RBFOX1: variants seen among roughly 807,000 people sequenced by gnomAD.
RBFOX1 encodes RNA binding fox-1 homolog 1.
RBFOX1 carries 8 observed loss-of-function variants against 57.7 expected under a neutral mutation model. The observed-to-expected ratio is 0.14, with a 90% CI of 0.08 to 0.25. RBFOX1 has a LOEUF of 0.25. Among genes scored for constraint, RBFOX1 ranks in the 10% least tolerant of loss-of-function variants. The pLI is 1.00. For synonymous variants in RBFOX1, 326 were observed against 222.4 expected, an observed-to-expected ratio of 1.47 and a Z score of -4.15; for missense variants, 611 against 548.5, an observed-to-expected ratio of 1.11 and a Z score of -1.14.
chr16:6,466,493 T>G (rs2095053493), intron 2 of RBFOX1, among the ~76,000 whole-genome samples: 1 of 152,176 alleles, frequency 6.6e-6, no homozygotes, highest in African/African-American at 2.4e-5. Context: ...GCCACGTTTC[T>G]TGAAACTTCC....
chr16:7,051,356 T>C (rs1318692134), intron 3 of RBFOX1, among the ~76,000 whole-genome samples: 1 of 152,202 alleles, frequency 6.6e-6, no homozygotes, highest in East Asian at 1.9e-4. Flanking sequence ...GATAATAAAT[T>C]ATATGGCCAC....
At chr16:7,286,321 T>C (rs4558436) in intron 4 of RBFOX1, among the ~76,000 whole-genome samples, 137,978 of 152,188 alleles carry the variant, frequency 0.91, 62,655 homozygotes, top group East Asian at 1. Flanking sequence ...ACAAACATCA[T>C]GTGGCTTTGC....
chr16:6,168,997 G>A (rs533646907), intron 1 of RBFOX1, among the ~76,000 whole-genome samples: 2 of 152,046 alleles, frequency 1.3e-5, no homozygotes, highest in South Asian at 4.2e-4. Context: ...ATTTAGAGTT[G>A]GGCAAAAGTG....
In RBFOX1 at chr16:6,675,518, G is replaced by A. The variant is rs148676165; in HGVS notation, c.-16+20868G>A. 1.2e-3 allele frequency among the ~76,000 whole-genome samples: 185 copies of A among 152,276 alleles called. No individual in the cohort carries two copies. The East Asian group carries it at 0.019, about 16-fold the overall frequency. On this transcript the variant is annotated intron_variant, in intron 3 of 15. Transcript: ENST00000550418. ...AGGCTTGCATCCTGTGTTCATTGCT[G>A]AACCAGGCCCTGCCACAGTAGGCAT... is the stretch of plus-strand genomic sequence containing the variant.
At chr16:7,703,718 A>G (rs776858247) in intron 14 of RBFOX1, among the ~76,000 whole-genome samples, 7 of 152,208 alleles carry the variant, frequency 4.6e-5, no homozygotes, top group Non-Finnish European at 1.0e-4. Context: ...GCACTTTAAC[A>G]AACACGGGTT....
At chr16:6,538,871 G>C (rs2096771740) in intron 2 of RBFOX1, among the ~76,000 whole-genome samples, 1 of 152,140 alleles carries the variant, frequency 6.6e-6, no homozygotes, top group African/African-American at 2.4e-5. Context: ...TACTATTTTA[G>C]ATTGAAGGGA....
intron 1 of RBFOX1, among the ~76,000 whole-genome samples, chr16:6,214,208 C>T (rs2097316397): frequency 6.6e-6 from 1 of 152,196 alleles, no homozygotes; most frequent in Non-Finnish European, 1.5e-5. Context: ...CTCATGTTTC[C>T]CTTCTTGTAC....
chr16:5,672,395 A>T (rs1211066108), intron 3 of RBFOX1, among the ~76,000 whole-genome samples: 2 of 152,074 alleles, frequency 1.3e-5, no homozygotes, highest in African/African-American at 4.8e-5. Context: ...GCACCTCTTC[A>T]GTGCCCTCCT....
At chr16:6,041,870 G>T (rs1021695886) in intron 1 of RBFOX1, among the ~76,000 whole-genome samples, 3 of 152,100 alleles carry the variant, frequency 2.0e-5, no homozygotes, top group Non-Finnish European at 4.4e-5. Flanking sequence ...TTGATTTCCT[G>T]TTTTAAAGTT....
Position 6,874,816 on chromosome 16 carries a change from T to A in RBFOX1, c.-15-177241T>A, listed in dbSNP as rs114320966. Among the ~76,000 whole-genome samples the A allele has an allele frequency of 4.4e-3, 669 of 152,262 alleles. 7 individuals carry two copies. Among genetic ancestry groups the A allele is most frequent in the African/African-American group, 0.015 (636 of 41,550 alleles). On this transcript the variant is annotated intron_variant, in intron 3 of 15. Coordinates refer to ENST00000550418, the MANE Select transcript of RBFOX1 (RefSeq NM_018723.4). ...GGGTGAGGGATAAAAGACTACATAC[T>A]GATTGGGTGATGGGTGCATCAAAAT...
intron 4 of RBFOX1, among the ~76,000 whole-genome samples, chr16:5,971,449 G>GT (rs915274351): frequency 6.6e-6 from 1 of 152,022 alleles, no homozygotes; most frequent in Non-Finnish European, 1.5e-5. Flanking sequence ...ATTTGTTTTT[G>GT]TTTTTTTCCC....
intron 1 of RBFOX1, among the ~76,000 whole-genome samples, chr16:5,391,560 G>A (rs997623685): frequency 2.0e-5 from 3 of 151,980 alleles, no homozygotes; most frequent in African/African-American, 7.3e-5. Context: ...TAATTCTTCT[G>A]TGTGCCAGTT....
intron 4 of RBFOX1, among the ~76,000 whole-genome samples, chr16:7,182,738 T>C (rs1355324179): frequency 6.6e-6 from 1 of 152,134 alleles, no homozygotes; most frequent in Non-Finnish European, 1.5e-5. Context: ...TTCATTTCTC[T>C]TTGGAAATGG....
intron 2 of RBFOX1, among the ~76,000 whole-genome samples, chr16:5,502,197 G>A (rs1302195622): frequency 6.6e-6 from 1 of 152,152 alleles, no homozygotes; most frequent in Non-Finnish European, 1.5e-5. Context: ...AGATGGCATG[G>A]AGGCAGCAGC....
At chr16:6,724,406 A>G (rs556414765) in intron 3 of RBFOX1, among the ~76,000 whole-genome samples, 2 of 151,984 alleles carry the variant, frequency 1.3e-5, no homozygotes, top group East Asian at 3.9e-4. Flanking sequence ...GACAGGTTTC[A>G]CCATGTTGCC....
chr16:6,578,645 G>C (rs1195421411), intron 2 of RBFOX1, among the ~76,000 whole-genome samples: 3 of 143,684 alleles, frequency 2.1e-5, no homozygotes, highest in African/African-American at 5.2e-5. Flanking sequence ...CATAGGAAGA[G>C]ACAAAAATAT....
chr16:7,481,339 A>G (rs1040922367), intron 4 of RBFOX1, among the ~76,000 whole-genome samples: 1 of 152,214 alleles, frequency 6.6e-6, no homozygotes, highest in Admixed American at 6.5e-5. Flanking sequence ...ATTTCTGTAG[A>G]TATTGCTGTA....
chr16:5,727,635 C>G (rs2052202400), intron 3 of RBFOX1, among the ~76,000 whole-genome samples: 2 of 152,036 alleles, frequency 1.3e-5, no homozygotes. Context: ...CCCCATTTAC[C>G]CACCCTCAAG....
At chr16:7,704,948 G>A (rs1225397240) in intron 14 of RBFOX1, among the ~76,000 whole-genome samples, 1 of 151,762 alleles carries the variant, frequency 6.6e-6, no homozygotes, top group African/African-American at 2.4e-5. Context: ...TGGGGAGGCT[G>A]AGGCAGAATC....
Sources: allele counts gnomAD v4.1 joint callset (sites outside exome capture counted in the v4.1 genomes callset), GRCh38; gene constraint gnomAD v4.1.1; transcripts MANE v1.5; gene names NCBI Gene and HGNC (gene_info 2026-07-23, HGNC 2026-07-21).